Variants in LRP2 observed in about 807,000 individuals in gnomAD.
LRP2 encodes the protein low-density lipoprotein receptor-related protein 2.
Under a neutral mutation model 531.0 loss-of-function variants are expected in LRP2, and 172 were observed. The ratio of observed to expected loss-of-function variants is 0.32; its 90% CI spans 0.29 to 0.37. The LOEUF (loss-of-function observed/expected upper bound fraction) is 0.37. Ranked by LOEUF, LRP2 falls within the 10% of genes least tolerant of loss-of-function variation. LRP2 has a pLI of 1.00. For synonymous variants in LRP2, 1,992 were observed against 2,027.6 expected (o/e 0.98, Z 0.47); for missense variants, 5,167 against 5,868.3 (o/e 0.88, Z 3.90).
intron 54 of LRP2, 135 bp from the exon 55 acceptor site, chr2:169,175,524 A>G: frequency 1.3e-6 from 1 of 766,950 alleles, no homozygotes; most frequent in Non-Finnish European, 2.2e-6. Context: ...GATCAATTAA[A>G]TCTCAGTTAC....
chr2:169,237,771 C>A (rs543181238), intron 27 of LRP2, among the ~76,000 whole-genome samples: 1 of 152,200 alleles, frequency 6.6e-6, no homozygotes, highest in Admixed American at 6.5e-5. Context: ...AGAAAAGCAA[C>A]CCCTTAACTT....
Position 169,282,734 on chromosome 2 carries a change from A to G in LRP2, c.1171+139T>C. The G allele has an allele frequency of 3.3e-6, 3 of 922,780 alleles. No homozygotes were observed. The South Asian group carries it at 4.0e-5, about 12-fold the overall frequency. The allele number at this position is 922,780 out of a possible 1,614,324, so 57.2% of individuals were successfully genotyped here. A position where few individuals can be genotyped will look rare whatever the true frequency, so the allele number is the denominator to read the frequency against. On this transcript the variant is annotated intron_variant, in intron 10 of 78. Coordinates refer to ENST00000649046, the MANE Select transcript of LRP2 (RefSeq NM_004525.3). ...ATGTTGACCAATTTTTCTAGGCAGT[A>G]GGAGCCATCCCTGATTTGTAATGAT...
chr2:169,173,029 C>G lies in LRP2; in HGVS notation c.11143+67G>C, dbSNP rs1037706613. The G allele has an allele frequency of 1.9e-5, 31 of 1,593,738 alleles. No homozygotes were observed. In the East Asian group the frequency reaches 6.9e-4, roughly 36 times the overall value. Reference sequence around the variant, plus strand: ...TGGGAAATACACTCTCATCTCTCATCTAATAAATGGCACTTGACATGTGCA... The same window carrying G: ...TGGGAAATACACTCTCATCTCTCATGTAATAAATGGCACTTGACATGTGCA... On this transcript the variant is annotated intron_variant, in intron 57 of 78. Transcript: ENST00000649046.
intron 1 of LRP2, among the ~76,000 whole-genome samples, chr2:169,322,683 G>T (rs1472479210): frequency 6.6e-6 from 1 of 152,052 alleles, no homozygotes; most frequent in African/African-American, 2.4e-5. Context: ...TATCAATTAG[G>T]TCTATTGTTA....
chr2:169,221,611 T>C lies in LRP2; in HGVS notation c.5539-1048A>G, dbSNP rs146534919. On this transcript the variant is annotated intron_variant, in intron 33 of 78. Coordinates refer to ENST00000649046, the MANE Select transcript of LRP2 (RefSeq NM_004525.3). The stretch of plus-strand genomic sequence containing the variant: ...ATTAAGGTTTTTCTATAAAATTGCT[T>C]TTCAATACAAATAGATTATTTGTGT... Among the ~76,000 whole-genome samples the C allele has an allele frequency of 4.0e-3, 602 of 152,344 alleles. 3 individuals are homozygous for C. The highest frequency in any genetic ancestry group is 0.014 in the African/African-American group (575 of 41,588).
intron 43 of LRP2, among the ~76,000 whole-genome samples, chr2:169,202,360 T>C (rs1327679014): frequency 6.6e-6 from 1 of 152,200 alleles, no homozygotes; most frequent in Non-Finnish European, 1.5e-5. Flanking sequence ...GGTAAAATGA[T>C]ACGTTTCCTT....
chr2:169,344,279 C>G (rs975688219), intron 1 of LRP2, among the ~76,000 whole-genome samples: 2 of 145,612 alleles, frequency 1.4e-5, no homozygotes, highest in African/African-American at 2.5e-5. Flanking sequence ...AGCCCCCCAA[C>G]CCCCAGCAGG....
At chr2:169,329,467 G>A (rs1460328612) in intron 1 of LRP2, among the ~76,000 whole-genome samples, 1 of 152,218 alleles carries the variant, frequency 6.6e-6, no homozygotes, top group Non-Finnish European at 1.5e-5. Context: ...CTTGGAGAGT[G>A]GTAGGCAACA....
intron 8 of LRP2, among the ~76,000 whole-genome samples, chr2:169,289,856 CT>C (rs35845876): frequency 6.6e-6 from 1 of 151,632 alleles, no homozygotes; most frequent in Non-Finnish European, 1.5e-5. Flanking sequence ...AATTTTTAAG[CT>C]TTTTTAAATG....
intron 10 of LRP2, among the ~76,000 whole-genome samples, chr2:169,281,907 T>A (rs958153221): frequency 3.3e-5 from 5 of 152,084 alleles, no homozygotes; most frequent in Non-Finnish European, 5.9e-5. Context: ...TTCTTGTTTA[T>A]TCATTAAAAA....
At chr2:169,214,562 G>T (rs1399423365) in intron 35 of LRP2, among the ~76,000 whole-genome samples, 1 of 152,164 alleles carries the variant, frequency 6.6e-6, no homozygotes, top group African/African-American at 2.4e-5. Flanking sequence ...TGGCTTTACT[G>T]CCATGGCTGA....
In LRP2 at chr2:169,168,685, G is replaced by A; in HGVS notation, c.11498-9C>T. 1 of 1,612,612 alleles carries A rather than the reference G, an allele frequency of 6.2e-7. No homozygotes were observed. The highest frequency in any genetic ancestry group is 8.5e-7 in the Non-Finnish European group (1 of 1,179,044). ...ATCAGGAAAGCGTGTGGCTGCCATG[G>A]GGGAAAAAAACATATTCAAATTATT... is the stretch of plus-strand genomic sequence containing the variant. On this transcript the variant is annotated splice_polypyrimidine_tract_variant and intron_variant, in intron 60 of 78. Transcript: ENST00000649046.
intron 44 of LRP2, among the ~76,000 whole-genome samples, chr2:169,201,069 A>T (rs1688187855): frequency 6.6e-6 from 1 of 152,262 alleles, no homozygotes. Context: ...AATAAGAGGG[A>T]TAAGATAAAT....
chr2:169,240,687 C>T, intron 25 of LRP2: 2 of 557,410 alleles, frequency 3.6e-6, no homozygotes, highest in Non-Finnish European at 6.3e-6. Flanking sequence ...TTAATGAGCA[C>T]ATTACCAACA....
At chr2:169,143,251 T>C (rs1037307435) in intron 70 of LRP2, among the ~76,000 whole-genome samples, 5 of 152,130 alleles carry the variant, frequency 3.3e-5, no homozygotes, top group Admixed American at 6.5e-5. Flanking sequence ...ACCCCAACCC[T>C]CCAAGGAGAC....
chr2:169,199,425 TAAC>T (rs1006129771), intron 44 of LRP2, among the ~76,000 whole-genome samples: 2 of 152,006 alleles, frequency 1.3e-5, no homozygotes, highest in African/African-American at 4.8e-5. Flanking sequence ...TTAAAAACAA[TAAC>T]AACAAAGAAA....
intron 66 of LRP2, among the ~76,000 whole-genome samples, chr2:169,153,466 G>A (rs1286776608): frequency 6.6e-6 from 1 of 152,202 alleles, no homozygotes; most frequent in African/African-American, 2.4e-5. Flanking sequence ...GACACCTGCT[G>A]CTTTCCTAGG....
At chr2:169,163,328 T>C (rs534893255) in intron 62 of LRP2, among the ~76,000 whole-genome samples, 1 of 152,054 alleles carries the variant, frequency 6.6e-6, no homozygotes, top group African/African-American at 2.4e-5. Flanking sequence ...AGGGAAGAAC[T>C]GGTTACCTTA....
chr2:169,215,063 T>TA (rs3834152), intron 35 of LRP2, among the ~76,000 whole-genome samples: 54,265 of 152,108 alleles, frequency 0.36, 9,940 homozygotes, highest in South Asian at 0.61. Context: ...ACAGAAACCA[T>TA]ACCATGTAAC....
Sources: allele counts gnomAD v4.1 joint callset (sites outside exome capture counted in the v4.1 genomes callset), GRCh38; gene constraint gnomAD v4.1.1; transcripts MANE v1.5; gene names NCBI Gene and HGNC (gene_info 2026-07-23, HGNC 2026-07-21).